LRRC7: variants seen among roughly 807,000 people sequenced by gnomAD.
The protein encoded by LRRC7 is leucine rich repeat containing 7.
Under a neutral mutation model 175.7 loss-of-function variants are expected in LRRC7, and 23 were observed. The ratio of observed to expected loss-of-function variants is 0.13; its 90% CI spans 0.09 to 0.19. The LOEUF (loss-of-function observed/expected upper bound fraction) is 0.19, where lower values mean the gene tolerates loss of function less well. LRRC7 is among the 10% of genes least tolerant of loss of function. The pLI, the probability that LRRC7 is intolerant of heterozygous loss-of-function variation, is 1.00. For missense variants in LRRC7, 1,354 were observed against 1,904.7 expected (o/e 0.71, Z 5.38); for synonymous variants, 685 against 680.9 (o/e 1.01, Z -0.09).
chr1:69,949,405 C>T (rs1322492530), intron 8 of LRRC7, among the ~76,000 whole-genome samples: 1 of 152,038 alleles, frequency 6.6e-6, no homozygotes, highest in South Asian at 2.1e-4. Context: ...AATCCTGTCT[C>T]GACTAAAAAT....
intron 7 of LRRC7, among the ~76,000 whole-genome samples, chr1:69,863,927 A>G (rs1433791161): frequency 6.6e-6 from 1 of 152,048 alleles, no homozygotes; most frequent in East Asian, 1.9e-4. Flanking sequence ...TGACCTGCCT[A>G]TCATCTATCT....
intron 2 of LRRC7, among the ~76,000 whole-genome samples, chr1:69,752,911 C>G (rs1669995042): frequency 6.6e-6 from 1 of 152,008 alleles, no homozygotes; most frequent in Non-Finnish European, 1.5e-5. Context: ...TTTTTAATCC[C>G]TTTGAAAAAC....
rs139118996 is a variant in LRRC7 at position 69,876,954 on chromosome 1, T to A, written c.647+38671T>A. On this transcript the variant is annotated intron_variant, in intron 7 of 26. Transcript: ENST00000651989. ...AGTACAGAGAAGTTATATTTCTTAG[T>A]CCTATCTGTAAAGTCCAGGTGAAGC... Among the ~76,000 whole-genome samples, 109 of 152,244 alleles carry A rather than the reference T, an allele frequency of 7.2e-4. 2 individuals are homozygous for A. The East Asian group carries it at 0.019, about 26-fold the overall frequency.
chr1:69,733,069 T>C (rs951590145), intron 2 of LRRC7, among the ~76,000 whole-genome samples: 1 of 152,028 alleles, frequency 6.6e-6, no homozygotes, highest in Non-Finnish European at 1.5e-5. Context: ...TATTTTCTTA[T>C]CTATTTAAGA....
At chr1:69,865,526 G>A (rs1358001075) in intron 7 of LRRC7, among the ~76,000 whole-genome samples, 1 of 125,326 alleles carries the variant, frequency 8.0e-6, no homozygotes, top group Non-Finnish European at 1.6e-5. Flanking sequence ...CCCCAGGCTG[G>A]ATGGAGTGCA....
rs574178912 is a variant in LRRC7 at position 69,961,149 on chromosome 1, T to C, written c.712-19230T>C. Among the ~76,000 whole-genome samples, 5 of 152,214 alleles carry C rather than the reference T, an allele frequency of 3.3e-5. No homozygotes were observed. The South Asian group carries it at 8.3e-4, about 25-fold the overall frequency. On this transcript the variant is annotated intron_variant, in intron 8 of 26. Transcript: ENST00000651989. ...TTCAGCAAAGTCTCAGGATATAAAA[T>C]CAATATGCAAAAATCACTAGCTCCT...
At chr1:69,876,486 T>C (rs1686054465) in intron 7 of LRRC7, among the ~76,000 whole-genome samples, 1 of 152,120 alleles carries the variant, frequency 6.6e-6, no homozygotes, top group African/African-American at 2.4e-5. Flanking sequence ...TCTGGAGGTC[T>C]AGTAGAGTAA....
chr1:69,689,689 T>C (rs995685949), intron 2 of LRRC7, among the ~76,000 whole-genome samples: 1 of 152,168 alleles, frequency 6.6e-6, no homozygotes, highest in Non-Finnish European at 1.5e-5. Flanking sequence ...ATACCGTATA[T>C]GATTTTAGTA....
chr1:70,107,964 G>A (rs1170814645), intron 26 of LRRC7, 138 bp downstream of exon 26: 5 of 763,812 alleles, frequency 6.5e-6, no homozygotes, highest in African/African-American at 1.7e-5. Flanking sequence ...TTATTTTGGG[G>A]CTGAAAGTCA....
intron 1 of LRRC7, among the ~76,000 whole-genome samples, chr1:69,602,015 T>C (rs1372238284): frequency 6.6e-6 from 1 of 152,170 alleles, no homozygotes; most frequent in Admixed American, 6.5e-5. Flanking sequence ...TATAAAACAT[T>C]CTTATATACC....
At chr1:69,900,083 T>A (rs1646092158) in intron 7 of LRRC7, among the ~76,000 whole-genome samples, 1 of 152,196 alleles carries the variant, frequency 6.6e-6, no homozygotes, top group Admixed American at 6.5e-5. Flanking sequence ...TCCAACTATT[T>A]AAAAACGTAA....
chr1:69,891,654 C>T (rs995579616), intron 7 of LRRC7, among the ~76,000 whole-genome samples: 3 of 152,106 alleles, frequency 2.0e-5, no homozygotes, highest in South Asian at 4.2e-4. Flanking sequence ...ATTGTTTGAA[C>T]CCAGGAGGTG....
rs577263839 is a variant in LRRC7 at position 70,046,377 on chromosome 1, A to G, written c.4110+2283A>G. On this transcript the variant is annotated intron_variant, in intron 22 of 26. Transcript: ENST00000651989. ...AGAGTTATATTTGGGGACTTTCAAT[A>G]GTCCTCAGTTGAGCACAGAGATGAC... 3.9e-5 allele frequency among the ~76,000 whole-genome samples: 6 copies of G among 152,102 alleles called. No individual in the cohort carries two copies. In the South Asian group the frequency reaches 8.3e-4, roughly 21 times the overall value.
intron 2 of LRRC7, among the ~76,000 whole-genome samples, chr1:69,701,672 A>G (rs575566234): frequency 4.7e-4 from 71 of 152,324 alleles, no homozygotes; most frequent in African/African-American, 1.6e-3. Context: ...CTGTTTTTAT[A>G]TGTGGAATAT....
At chr1:70,061,155 C>A (rs1220031147) in intron 23 of LRRC7, among the ~76,000 whole-genome samples, 1 of 152,032 alleles carries the variant, frequency 6.6e-6, no homozygotes, top group East Asian at 1.9e-4. Context: ...CTTTCCCAAG[C>A]CTCATTTTTC....
chr1:69,955,027 C>A (rs376547934), intron 8 of LRRC7, among the ~76,000 whole-genome samples: 1 of 152,018 alleles, frequency 6.6e-6, no homozygotes, highest in East Asian at 1.9e-4. Flanking sequence ...TTATTCATTT[C>A]TTCGTTCATT....
At chr1:70,009,355 CTTT>C (rs11286744) in intron 11 of LRRC7, among the ~76,000 whole-genome samples, 3 of 132,620 alleles carry the variant, frequency 2.3e-5, no homozygotes, top group Non-Finnish European at 4.8e-5. Context: ...TTCTTTCTTT[CTTT>C]TTTTTTTTTT....
At chr1:69,989,145 T>C (rs1202584550) in intron 10 of LRRC7, among the ~76,000 whole-genome samples, 1 of 152,024 alleles carries the variant, frequency 6.6e-6, no homozygotes, top group Non-Finnish European at 1.5e-5. Context: ...ATAAGACTTA[T>C]CTAACAAAAA....
At chr1:69,949,527 A>T (rs1319312074) in intron 8 of LRRC7, among the ~76,000 whole-genome samples, 1 of 152,076 alleles carries the variant, frequency 6.6e-6, no homozygotes, top group East Asian at 1.9e-4. Context: ...GCTCCACTGC[A>T]GTCTGGGTGA....
Sources: gnomAD v4.1 joint callset for allele counts (sites outside exome capture counted in the v4.1 genomes callset) on GRCh38, gnomAD v4.1.1 for gene constraint, MANE v1.5 for transcripts, NCBI Gene and HGNC (gene_info 2026-07-23, HGNC 2026-07-21) for gene names.